The following NAV2 variants were observed in gnomAD, a reference collection of about 807,000 sequenced individuals.
NAV2 encodes the protein helicase, APC down-regulated 1.
In NAV2, 54 loss-of-function variants were observed where a neutral mutation model predicts 223.2. The ratio of observed to expected loss-of-function variants is 0.24; its 90% CI spans 0.19 to 0.30. NAV2 has a LOEUF of 0.30. Among genes scored for constraint, NAV2 ranks in the 10% least tolerant of loss-of-function variants. The pLI is 1.00. For synonymous variants in NAV2, 1,279 were observed against 1,239.3 expected (o/e 1.03, Z -0.67); for missense variants, 2,806 against 3,147.5 (o/e 0.89, Z 2.60).
chr11:19,882,879 A>T (rs1170734903), intron 5 of NAV2, among the ~76,000 whole-genome samples: 1 of 152,150 alleles, frequency 6.6e-6, no homozygotes, highest in African/African-American at 2.4e-5. Flanking sequence ...TCTGCAGAAG[A>T]CTGGTTTTAT....
At chr11:19,861,366 CG>C (rs2057471159) in intron 3 of NAV2, among the ~76,000 whole-genome samples, 1 of 150,126 alleles carries the variant, frequency 6.7e-6, no homozygotes, top group Non-Finnish European at 1.5e-5. Context: ...TAAGCCTGTT[CG>C]ATTCTCTGTT....
intron 10 of NAV2, among the ~76,000 whole-genome samples, chr11:19,963,265 A>G (rs10766609): frequency 0.53 from 79,918 of 152,066 alleles, 21,332 homozygotes; most frequent in Non-Finnish European, 0.55. Flanking sequence ...TTCTCGTCCC[A>G]GTTTTACAAT....
intron 10 of NAV2, among the ~76,000 whole-genome samples, chr11:19,975,240 G>A (rs566185542): frequency 3.3e-5 from 5 of 152,296 alleles, no homozygotes; most frequent in African/African-American, 9.6e-5. Flanking sequence ...GTCAATTTTC[G>A]AACGTGTGCA....
intron 27 of NAV2, 80 bp downstream of exon 27, chr11:20,091,098 G>A (rs2060812929): frequency 1.3e-6 from 2 of 1,495,376 alleles, no homozygotes; most frequent in Non-Finnish European, 1.8e-6. Flanking sequence ...TAAGCCCTGA[G>A]GGCTGCATCA....
At chr11:19,597,261 T>C (rs896826264) in intron 1 of NAV2, among the ~76,000 whole-genome samples, 3 of 152,236 alleles carry the variant, frequency 2.0e-5, no homozygotes, top group African/African-American at 7.2e-5. Flanking sequence ...TAAGAAGTGC[T>C]CAATAAATCT....
At chr11:19,438,717 A>G (rs188431111) in intron 1 of NAV2, among the ~76,000 whole-genome samples, 1 of 152,312 alleles carries the variant, frequency 6.6e-6, no homozygotes, top group East Asian at 1.9e-4. Context: ...CTGGTTTATT[A>G]TAAACGGTAC....
intron 11 of NAV2, among the ~76,000 whole-genome samples, chr11:20,000,782 C>T (rs2052466035): frequency 6.6e-6 from 1 of 152,158 alleles, no homozygotes; most frequent in South Asian, 2.1e-4. Flanking sequence ...GGTTTGAGCT[C>T]CACTGGAGAG....
intron 1 of NAV2, among the ~76,000 whole-genome samples, chr11:19,828,054 T>C (rs1277121560): frequency 6.6e-6 from 1 of 152,098 alleles, no homozygotes; most frequent in Non-Finnish European, 1.5e-5. Context: ...TGAAGCAGGA[T>C]GATCATTTGA....
At position 19,547,494 on chromosome 11, in the gene NAV2, C is replaced by G. The variant is rs570345390; in HGVS notation, c.75+196467C>G. 1.2e-4 allele frequency among the ~76,000 whole-genome samples: 19 copies of G among 152,302 alleles called. No homozygotes were observed. In the South Asian group the frequency reaches 3.7e-3, roughly 30 times the overall value. On this transcript the variant is annotated intron_variant, in intron 1 of 37. Transcript: ENST00000360655. ...CCCACCACTGCTCTTTTCCATCCCC[C>G]CTTGGCTGCAGGAGCCTGAAGTACA... is the stretch of plus-strand genomic sequence containing the variant.
At chr11:19,806,486 A>C (rs1396135873) in intron 1 of NAV2, among the ~76,000 whole-genome samples, 3 of 152,214 alleles carry the variant, frequency 2.0e-5, no homozygotes, top group African/African-American at 7.2e-5. Flanking sequence ...TTGATCTCTC[A>C]TATCAGTGTT....
At chr11:19,979,862 T>A (rs2050146711) in intron 10 of NAV2, among the ~76,000 whole-genome samples, 1 of 152,232 alleles carries the variant, frequency 6.6e-6, no homozygotes, top group African/African-American at 2.4e-5. Context: ...ACAGTTGGGA[T>A]TTGAACTCAC....
chr11:19,461,876 C>T (rs1336568798), intron 1 of NAV2, among the ~76,000 whole-genome samples: 1 of 152,188 alleles, frequency 6.6e-6, no homozygotes, highest in Non-Finnish European at 1.5e-5. Context: ...CGCGATCTCG[C>T]CTCACTGCAC....
chr11:19,516,893 T>C (rs756027506), intron 1 of NAV2, among the ~76,000 whole-genome samples: 15 of 152,052 alleles, frequency 9.9e-5, no homozygotes, highest in Non-Finnish European at 2.1e-4. Flanking sequence ...CAATGGTAGA[T>C]GAAGTTATTA....
intron 22 of NAV2, among the ~76,000 whole-genome samples, chr11:20,077,127 A>C (rs928401762): frequency 6.6e-6 from 1 of 152,196 alleles, no homozygotes; most frequent in African/African-American, 2.4e-5. Context: ...ACAGACATAC[A>C]TTACCAATTA....
Position 19,935,851 on chromosome 11 carries a change from G to GTTTTTT in NAV2, c.2033+1593_2033+1598dup, listed in dbSNP as rs765632685. 3.4e-3 allele frequency among the ~76,000 whole-genome samples: 181 copies of GTTTTTT among 52,694 alleles called. 2 individuals are homozygous for GTTTTTT. Among genetic ancestry groups the GTTTTTT allele is most frequent in the African/African-American group, 4.3e-3 (58 of 13,618 alleles). The allele number at this position is 52,694 out of a possible 152,430, so 34.6% of individuals were successfully genotyped here. The stretch of plus-strand genomic sequence containing the variant: ...ACGGCTTTTGTTTTGTTTTGTTTCT[G>GTTTTTT]TTTTTTTTTTTTTTTTTTTTTTTTG... On this transcript the variant is annotated intron_variant, in intron 7 of 37. Coordinates refer to ENST00000349880, the MANE Select transcript of NAV2 (RefSeq NM_145117.5).
At chr11:20,020,827 T>A (rs985210381) in intron 11 of NAV2, among the ~76,000 whole-genome samples, 2 of 152,128 alleles carry the variant, frequency 1.3e-5, no homozygotes, top group African/African-American at 4.8e-5. Context: ...ATTTAGGCAC[T>A]CTCCTCTCTC....
chr11:19,667,447 G>C (rs533183233), intron 1 of NAV2, among the ~76,000 whole-genome samples: 7 of 152,182 alleles, frequency 4.6e-5, no homozygotes, highest in Non-Finnish European at 8.8e-5. Context: ...AATACCTGTG[G>C]GTGTGCTTTG....
intron 11 of NAV2, among the ~76,000 whole-genome samples, chr11:20,026,470 C>G (rs1270715621): frequency 6.6e-6 from 1 of 151,716 alleles, no homozygotes; most frequent in Non-Finnish European, 1.5e-5. Context: ...GCCACCATAC[C>G]TGGCTAATTT....
At chr11:19,653,833 T>C (rs1590041501) in intron 1 of NAV2, among the ~76,000 whole-genome samples, 1 of 152,290 alleles carries the variant, frequency 6.6e-6, no homozygotes, top group East Asian at 1.9e-4. Context: ...CTGGCAGAGT[T>C]GGACTTTGAA....
Sources: gnomAD v4.1 joint callset for allele counts (sites outside exome capture counted in the v4.1 genomes callset) on GRCh38, gnomAD v4.1.1 for gene constraint, MANE v1.5 for transcripts, NCBI Gene and HGNC (gene_info 2026-07-23, HGNC 2026-07-21) for gene names.